Variants in DLG2 observed in about 807,000 individuals in gnomAD.
DLG2 encodes discs large MAGUK scaffold protein 2.
In DLG2, 45 loss-of-function variants were observed where a neutral mutation model predicts 132.5. The ratio of observed to expected loss-of-function variants is 0.34; its 90% CI spans 0.27 to 0.44. The LOEUF is 0.44. DLG2 is among the 20% of genes least tolerant of loss of function. The pLI is 1.00. For synonymous variants in DLG2, 424 were observed against 419.6 expected (o/e 1.01, Z -0.13); for missense variants, 1,045 against 1,196.9 (o/e 0.87, Z 1.87).
chr11:85,054,335 A>G (rs954450848), intron 6 of DLG2, among the ~76,000 whole-genome samples: 1 of 152,148 alleles, frequency 6.6e-6, no homozygotes, highest in African/African-American at 2.4e-5. Context: ...ATCTCATACC[A>G]GTCAGAATGG....
chr11:85,204,294 C>A (rs12802679), intron 4 of DLG2, among the ~76,000 whole-genome samples: 1 of 152,078 alleles, frequency 6.6e-6, no homozygotes, highest in South Asian at 2.1e-4. Flanking sequence ...AAAACCTAAA[C>A]ACTTTAGCAG....
intron 8 of DLG2, among the ~76,000 whole-genome samples, chr11:84,203,465 C>G (rs181265127): frequency 1.3e-5 from 2 of 151,906 alleles, no homozygotes; most frequent in East Asian, 3.9e-4. Context: ...GCCTGTAGTT[C>G]CAGCTACTTG....
At chr11:84,459,034 A>T (rs1203653164) in intron 7 of DLG2, among the ~76,000 whole-genome samples, 1 of 150,690 alleles carries the variant, frequency 6.6e-6, no homozygotes, top group Non-Finnish European at 1.5e-5. Context: ...TAAATGATGG[A>T]GTCAGAGTTT....
At chr11:85,421,260 C>G (rs1247233841) in intron 3 of DLG2, among the ~76,000 whole-genome samples, 1 of 152,064 alleles carries the variant, frequency 6.6e-6, no homozygotes, top group Admixed American at 6.6e-5. Flanking sequence ...TCAGCTTGTC[C>G]TTTGTGGGTT....
chr11:84,515,034 CA>C (rs1273566512), intron 7 of DLG2, among the ~76,000 whole-genome samples: 2 of 151,322 alleles, frequency 1.3e-5, no homozygotes, highest in Non-Finnish European at 3.0e-5. Flanking sequence ...AATTAGAAAG[CA>C]AAAACATGAT....
At chr11:83,786,596 G>T in intron 18 of DLG2, 94 bp downstream of exon 18, 1 of 1,129,818 alleles carries the variant, frequency 8.9e-7, no homozygotes, top group Non-Finnish European at 1.3e-6. Flanking sequence ...AAACACCAAT[G>T]ATGGTGACTC....
intron 6 of DLG2, chr11:84,546,569 C>A: frequency 2.4e-6 from 1 of 416,602 alleles, no homozygotes; most frequent in Non-Finnish European, 4.7e-6. Context: ...TTGAGAATCT[C>A]CTCTTGAGAC....
chr11:83,868,892 G>A (rs56837259), intron 16 of DLG2, among the ~76,000 whole-genome samples: 24,133 of 152,196 alleles, frequency 0.16, 2,140 homozygotes, highest in Middle Eastern at 0.3. Context: ...AGGTACAGAT[G>A]GATCTCTGAA....
intron 6 of DLG2, among the ~76,000 whole-genome samples, chr11:84,833,658 G>T (rs758861521): frequency 2.5e-4 from 38 of 151,194 alleles, no homozygotes; most frequent in Non-Finnish European, 3.7e-4. Flanking sequence ...TGGCAGTTGT[G>T]GGGGGGTGGG....
At chr11:84,474,357 G>C (rs2099116234) in intron 7 of DLG2, among the ~76,000 whole-genome samples, 1 of 152,020 alleles carries the variant, frequency 6.6e-6, no homozygotes, top group East Asian at 1.9e-4. Context: ...ACAATGATTT[G>C]ATGATATTAT....
At position 83,583,689 on chromosome 11, in the gene DLG2, C is replaced by T. The variant is rs376980658; in HGVS notation, c.1941-41831G>A. 6.7e-4 allele frequency among the ~76,000 whole-genome samples: 102 copies of T among 152,282 alleles called. 1 individual carries two copies. The South Asian group carries it at 7.0e-3, about 11-fold the overall frequency. On this transcript the variant is annotated intron_variant, in intron 19 of 27. Coordinates refer to ENST00000376104, the MANE Select transcript of DLG2 (RefSeq NM_001142699.3). ...GACAAGCCTCAGTTCTTCTTCTGGA[C>T]GATAAGTTTCTTGAGAACAAGAACC...
chr11:85,288,948 C>G (rs1045318806), intron 3 of DLG2, among the ~76,000 whole-genome samples: 1 of 151,946 alleles, frequency 6.6e-6, no homozygotes, highest in Non-Finnish European at 1.5e-5. Context: ...AGCTGTACTT[C>G]GAAACATAAC....
chr11:84,529,716 C>T (rs1159223342), intron 7 of DLG2, among the ~76,000 whole-genome samples: 1 of 152,148 alleles, frequency 6.6e-6, no homozygotes, highest in Non-Finnish European at 1.5e-5. Context: ...TGGCCATACT[C>T]CCTAAAGCAA....
chr11:85,008,742 A>T (rs2058908360), intron 6 of DLG2, among the ~76,000 whole-genome samples: 1 of 152,078 alleles, frequency 6.6e-6, no homozygotes, highest in African/African-American at 2.4e-5. Flanking sequence ...CACTGTGATG[A>T]GCAATTCTGC....
chr11:85,411,950 C>T (rs747616266), intron 3 of DLG2, among the ~76,000 whole-genome samples: 6 of 151,812 alleles, frequency 4.0e-5, no homozygotes, highest in Admixed American at 6.6e-5. Context: ...TATTTCAAGG[C>T]TAAAACAAAA....
chr11:83,943,305 C>T (rs181365252), intron 14 of DLG2, among the ~76,000 whole-genome samples: 126 of 152,276 alleles, frequency 8.3e-4, no homozygotes, highest in African/African-American at 2.9e-3. Flanking sequence ...TTTCTTGTAA[C>T]TCCAGGGGAG....
intron 4 of DLG2, among the ~76,000 whole-genome samples, chr11:85,213,951 G>C (rs1483274125): frequency 6.6e-6 from 1 of 152,090 alleles, no homozygotes; most frequent in African/African-American, 2.4e-5. Context: ...ATTGCCACAG[G>C]CCTCAGTTCA....
Position 84,466,619 on chromosome 11 carries a change from T to C in DLG2, c.519+67951A>G, listed in dbSNP as rs564323813. 8.2e-4 allele frequency among the ~76,000 whole-genome samples: 124 copies of C among 151,474 alleles called. 1 individual carries two copies. Among genetic ancestry groups the C allele is most frequent in the Non-Finnish European group, 9.0e-4 (61 of 67,530 alleles). On this transcript the variant is annotated intron_variant, in intron 7 of 27. Transcript: ENST00000376104. ...GCTACAGGTTGGTAAAAATTCTAAT[T>C]TGATAACACGCTCTGTTGGCAAGAA...
intron 3 of DLG2, among the ~76,000 whole-genome samples, chr11:85,492,831 A>G (rs1045521482): frequency 1.3e-5 from 2 of 152,162 alleles, no homozygotes; most frequent in African/African-American, 4.8e-5. Context: ...TGAGTAGCTC[A>G]AATGACGGTT....
Sources: allele counts gnomAD v4.1 joint callset (sites outside exome capture counted in the v4.1 genomes callset), GRCh38; gene constraint gnomAD v4.1.1; transcripts MANE v1.5; gene names NCBI Gene and HGNC (gene_info 2026-07-23, HGNC 2026-07-21).